Variants in PDGFD observed in about 807,000 individuals in gnomAD.
PDGFD encodes platelet derived growth factor D, also known as platelet-derived growth factor D.
A neutral mutation model predicts 44.7 loss-of-function variants in PDGFD; 30 were observed. That is an observed-to-expected ratio of 0.67 (90% confidence interval 0.50 to 0.91). PDGFD has a LOEUF of 0.91. PDGFD is among the 40% of genes least tolerant of loss of function. The pLI, the probability that PDGFD is intolerant of heterozygous loss-of-function variation, is 0.00. For missense variants in PDGFD, 445 were observed against 457.8 expected (o/e 0.97, Z 0.25); for synonymous variants, 173 against 168.4 (o/e 1.03, Z -0.21).
At chr11:104,041,783 A>C (rs1276923259) in intron 1 of PDGFD, among the ~76,000 whole-genome samples, 2 of 152,212 alleles carry the variant, frequency 1.3e-5, no homozygotes, top group Admixed American at 6.5e-5. Context: ...TTGGGTCATA[A>C]AAATTTTCTT....
chr11:103,912,445 C>T (rs575184156), intron 6 of PDGFD, among the ~76,000 whole-genome samples: 1 of 152,166 alleles, frequency 6.6e-6, no homozygotes, highest in Non-Finnish European at 1.5e-5. Flanking sequence ...ATTTTTGTCA[C>T]CACCAGGCCT....
At chr11:104,146,370 A>G (rs1361727536) in intron 1 of PDGFD, among the ~76,000 whole-genome samples, 1 of 152,216 alleles carries the variant, frequency 6.6e-6, no homozygotes, top group Non-Finnish European at 1.5e-5. Flanking sequence ...CATGGACATC[A>G]GTCAGGATGT....
intron 1 of PDGFD, among the ~76,000 whole-genome samples, chr11:104,074,160 G>T (rs1860919107): frequency 1.3e-5 from 2 of 152,148 alleles, no homozygotes; most frequent in South Asian, 2.1e-4. Context: ...AGGATGAGTA[G>T]ATTCTAGACC....
At chr11:104,002,212 A>G (rs907884866) in intron 1 of PDGFD, among the ~76,000 whole-genome samples, 1 of 152,066 alleles carries the variant, frequency 6.6e-6, no homozygotes, top group Non-Finnish European at 1.5e-5. Flanking sequence ...GTGTCTGCTC[A>G]TTTTGTCATA....
intron 1 of PDGFD, among the ~76,000 whole-genome samples, chr11:104,007,695 C>T (rs1464695017): frequency 1.3e-5 from 2 of 152,130 alleles, no homozygotes; most frequent in African/African-American, 4.8e-5. Flanking sequence ...TCCAAACTTA[C>T]AAAAAGATCT....
At chr11:104,096,260 A>T (rs1861285958) in intron 1 of PDGFD, among the ~76,000 whole-genome samples, 1 of 152,210 alleles carries the variant, frequency 6.6e-6, no homozygotes. Flanking sequence ...ACTACAAAAA[A>T]GTAGCTCTCT....
rs187075313 is a variant in PDGFD at position 104,164,060 on chromosome 11, C to G, written c.-133G>C. The stretch of plus-strand genomic sequence containing the variant: ...CTGGCCCGGGTCGCTGTGCTAATCG[C>G]CGAGCTCTCCCCAAACTTCCTGCAT... On this transcript the variant is annotated 5_prime_UTR_variant, in exon 1 of 7. Transcript: ENST00000393158. 2.0e-6 allele frequency: 2 copies of G among 989,452 alleles called. No individual in the cohort carries two copies. 61.3% of individuals were successfully genotyped at this position (989,452 alleles called of 1,614,324 possible).
intron 1 of PDGFD, among the ~76,000 whole-genome samples, chr11:104,083,568 T>G (rs938492600): frequency 2.0e-5 from 3 of 152,144 alleles, no homozygotes; most frequent in African/African-American, 7.2e-5. Context: ...AGAAAATGTC[T>G]CTATTCTCTA....
chr11:103,908,278 T>C lies in PDGFD; in HGVS notation c.*1416A>G, dbSNP rs1857968862. 1 of 152,200 alleles carries C rather than the reference T, an allele frequency of 6.6e-6. No individual in the cohort carries two copies. Among genetic ancestry groups the C allele is most frequent in the Admixed American group, 6.5e-5 (1 of 15,278 alleles). The allele number at this position is 152,200 out of a possible 1,614,324, so 9.4% of individuals were successfully genotyped here. A position where few individuals can be genotyped will look rare whatever the true frequency, so the allele number is the denominator to read the frequency against. On this transcript the variant is annotated 3_prime_UTR_variant, in exon 7 of 7. Coordinates refer to ENST00000393158, the MANE Select transcript of PDGFD (RefSeq NM_025208.5). ...AATCATTTCCTACTCCTGGAGTTAGTCTCCTTTAAAACAGACACAAAGGAG... is the reference window on the plus strand; with the variant it reads ...AATCATTTCCTACTCCTGGAGTTAGCCTCCTTTAAAACAGACACAAAGGAG...
chr11:104,082,737 T>C (rs1861063167), intron 1 of PDGFD, among the ~76,000 whole-genome samples: 1 of 152,140 alleles, frequency 6.6e-6, no homozygotes, highest in Non-Finnish European at 1.5e-5. Flanking sequence ...GCTCAAGCAA[T>C]CTTTTTGCCT....
intron 3 of PDGFD, among the ~76,000 whole-genome samples, chr11:103,952,459 G>C (rs999866056): frequency 2.6e-5 from 4 of 152,126 alleles, no homozygotes; most frequent in African/African-American, 9.7e-5. Context: ...TAAAATAAAG[G>C]AGCTGATGTT....
At chr11:104,036,643 G>C (rs1860237951) in intron 1 of PDGFD, 1 of 609,708 alleles carries the variant, frequency 1.6e-6, no homozygotes, top group Non-Finnish European at 2.9e-6. Flanking sequence ...AGCAGGCACT[G>C]AGGCTGGGAG....
chr11:104,089,944 G>C (rs1240203044), intron 1 of PDGFD, among the ~76,000 whole-genome samples: 1 of 151,948 alleles, frequency 6.6e-6, no homozygotes, highest in East Asian at 1.9e-4. Flanking sequence ...CAGTTCCCTT[G>C]CCTCAAATCA....
chr11:104,098,776 A>G (rs1861323075), intron 1 of PDGFD, among the ~76,000 whole-genome samples: 1 of 152,160 alleles, frequency 6.6e-6, no homozygotes, highest in South Asian at 2.1e-4. Flanking sequence ...TCGGTCTCCC[A>G]AAGTGTGAGT....
intron 3 of PDGFD, among the ~76,000 whole-genome samples, chr11:103,959,218 G>A (rs1205571954): frequency 6.6e-6 from 1 of 152,126 alleles, no homozygotes; most frequent in Admixed American, 6.5e-5. Flanking sequence ...TCCTTACACT[G>A]GACCAGTGTT....
At chr11:104,160,528 T>C (rs1862373682) in intron 1 of PDGFD, among the ~76,000 whole-genome samples, 1 of 152,220 alleles carries the variant, frequency 6.6e-6, no homozygotes, top group African/African-American at 2.4e-5. Flanking sequence ...TTAGAATACA[T>C]AGATGCTACT....
At chr11:104,056,046 TA>T (rs1309387749) in intron 1 of PDGFD, among the ~76,000 whole-genome samples, 5 of 152,194 alleles carry the variant, frequency 3.3e-5, no homozygotes, top group African/African-American at 9.6e-5. Context: ...ATAAAATTGC[TA>T]AAAATCCTCT....
chr11:104,110,892 A>C (rs1861544644), intron 1 of PDGFD, among the ~76,000 whole-genome samples: 1 of 152,184 alleles, frequency 6.6e-6, no homozygotes, highest in South Asian at 2.1e-4. Context: ...AGGCAACTGG[A>C]ATAGAAGGAA....
chr11:104,031,507 G>C (rs1285565922), intron 1 of PDGFD, among the ~76,000 whole-genome samples: 1 of 152,326 alleles, frequency 6.6e-6, no homozygotes, highest in East Asian at 1.9e-4. Flanking sequence ...ATGCTGGTGA[G>C]GTTGTTGAGA....
Sources: gnomAD v4.1 joint callset for allele counts (sites outside exome capture counted in the v4.1 genomes callset) on GRCh38, gnomAD v4.1.1 for gene constraint, MANE v1.5 for transcripts, NCBI Gene and HGNC (gene_info 2026-07-23, HGNC 2026-07-21) for gene names.